Variants in ZDHHC17 observed in about 807,000 individuals in gnomAD.
ZDHHC17 encodes zDHHC palmitoyltransferase 17, also known as palmitoyltransferase ZDHHC17.
ZDHHC17 carries 40 observed loss-of-function variants against 90.3 expected under a neutral mutation model. That is an observed-to-expected ratio of 0.44 (90% confidence interval 0.34 to 0.58). The LOEUF is 0.58. Ranked by LOEUF, ZDHHC17 falls within the 20% of genes least tolerant of loss-of-function variation. The probability of loss-of-function intolerance (pLI) is 0.01; values close to 1 mark genes in which losing one functional copy is unlikely to be tolerated. For synonymous variants in ZDHHC17, 235 were observed against 252.4 expected, an observed-to-expected ratio of 0.93 and a Z score of 0.65; for missense variants, 614 against 780.8, an observed-to-expected ratio of 0.79 and a Z score of 2.55.
intron 1 of ZDHHC17, among the ~76,000 whole-genome samples, chr12:76,775,547 A>G (rs1482830099): frequency 6.6e-6 from 1 of 152,226 alleles, no homozygotes; most frequent in African/African-American, 2.4e-5. Context: ...AGATTTTTCA[A>G]TTAGTGTAAA....
intron 8 of ZDHHC17, among the ~76,000 whole-genome samples, chr12:76,825,911 C>T (rs1953224671): frequency 6.6e-6 from 1 of 152,058 alleles, no homozygotes; most frequent in African/African-American, 2.4e-5. Context: ...CTTCCCTGGG[C>T]TCAGGTAATC....
chr12:76,767,892 C>T (rs1489013894), intron 1 of ZDHHC17, among the ~76,000 whole-genome samples: 1 of 150,626 alleles, frequency 6.6e-6, no homozygotes, highest in African/African-American at 2.4e-5. Context: ...GCCTGGGCAA[C>T]AAGAGCAAAA....
At chr12:76,798,875 A>G (rs1952854015) in intron 2 of ZDHHC17, among the ~76,000 whole-genome samples, 1 of 152,148 alleles carries the variant, frequency 6.6e-6, no homozygotes, top group African/African-American at 2.4e-5. Flanking sequence ...GATGGTGCCA[A>G]AGCATTCATT....
Position 76,851,149 on chromosome 12 carries a change from T to A in ZDHHC17, c.*164T>A. 1 of 766,828 alleles carries A rather than the reference T, an allele frequency of 1.3e-6. No homozygotes were observed. The highest frequency in any genetic ancestry group is 2.0e-6 in the Non-Finnish European group (1 of 499,766). The allele number at this position is 766,828 out of a possible 1,614,324, so 47.5% of individuals were successfully genotyped here. A position where few individuals can be genotyped will look rare whatever the true frequency, so the allele number is the denominator to read the frequency against. ...TTTTCAACACTTTTATTAACAAAAG[T>A]AAACATGGACAGAACACACTGCCAT... is the stretch of plus-strand genomic sequence containing the variant. On this transcript the variant is annotated 3_prime_UTR_variant, in exon 17 of 17. Coordinates refer to ENST00000426126, the MANE Select transcript of ZDHHC17 (RefSeq NM_015336.4).
intron 5 of ZDHHC17, among the ~76,000 whole-genome samples, chr12:76,810,236 A>G (rs1309508797): frequency 6.6e-6 from 1 of 152,174 alleles, no homozygotes; most frequent in African/African-American, 2.4e-5. Context: ...TGAGAGGGAT[A>G]CATTTTTTAA....
intron 1 of ZDHHC17, among the ~76,000 whole-genome samples, chr12:76,768,895 C>T (rs190002107): frequency 6.6e-6 from 1 of 152,216 alleles, no homozygotes; most frequent in East Asian, 1.9e-4. Flanking sequence ...AAAACTTCTG[C>T]TATTGCCTTT....
At chr12:76,798,206 T>C (rs1468673888) in intron 2 of ZDHHC17, among the ~76,000 whole-genome samples, 1 of 152,222 alleles carries the variant, frequency 6.6e-6, no homozygotes, top group East Asian at 1.9e-4. Flanking sequence ...ACGTAGTTAA[T>C]GTCATATTTA....
At chr12:76,790,308 C>T (rs552691937) in intron 1 of ZDHHC17, among the ~76,000 whole-genome samples, 158 of 152,128 alleles carry the variant, frequency 1.0e-3, no homozygotes, top group African/African-American at 3.7e-3. Context: ...TTGAGACCAG[C>T]CTGGCCAACA....
intron 1 of ZDHHC17, among the ~76,000 whole-genome samples, chr12:76,765,219 G>T (rs1408604581): frequency 1.3e-5 from 2 of 152,238 alleles, no homozygotes; most frequent in Non-Finnish European, 2.9e-5. Context: ...TGACAGTCGT[G>T]TTGTAGGATG....
At chr12:76,836,847 T>C (rs1310422488) in intron 10 of ZDHHC17, among the ~76,000 whole-genome samples, 1 of 152,218 alleles carries the variant, frequency 6.6e-6, no homozygotes, top group Non-Finnish European at 1.5e-5. Flanking sequence ...TTATTAAGTA[T>C]GTGTAAGTTT....
chr12:76,845,577 G>T, intron 12 of ZDHHC17, 132 bp from the exon 13 acceptor site: 1 of 378,590 alleles, frequency 2.6e-6, no homozygotes. Context: ...TCATTCATTT[G>T]GAAACCTTGA....
intron 7 of ZDHHC17, among the ~76,000 whole-genome samples, chr12:76,816,742 A>G (rs572554516): frequency 5.9e-5 from 9 of 152,162 alleles, no homozygotes; most frequent in African/African-American, 2.2e-4. Context: ...TCCTTGATTC[A>G]GTTACTTTAA....
intron 6 of ZDHHC17, among the ~76,000 whole-genome samples, chr12:76,815,572 A>G (rs994698647): frequency 6.6e-6 from 1 of 151,942 alleles, no homozygotes. Context: ...TTATTCTTGA[A>G]TTGTATAAGT....
intron 5 of ZDHHC17, among the ~76,000 whole-genome samples, chr12:76,810,366 C>A (rs1012638544): frequency 6.6e-6 from 1 of 151,998 alleles, no homozygotes; most frequent in Non-Finnish European, 1.5e-5. Context: ...TTAAATATTA[C>A]CAGTTTATAT....
intron 1 of ZDHHC17, among the ~76,000 whole-genome samples, chr12:76,768,655 A>G (rs1952458557): frequency 6.6e-6 from 1 of 152,192 alleles, no homozygotes; most frequent in Admixed American, 6.5e-5. Flanking sequence ...GACAGAGACC[A>G]TATGTTGGTC....
chr12:76,777,263 T>C lies in ZDHHC17; in HGVS notation c.93+12934T>C, dbSNP rs531048469. 1.1e-4 allele frequency among the ~76,000 whole-genome samples: 17 copies of C among 152,342 alleles called. No individual in the cohort carries two copies. The East Asian group carries it at 3.1e-3, about 28-fold the overall frequency. On this transcript the variant is annotated intron_variant, in intron 1 of 16. Coordinates refer to ENST00000426126, the MANE Select transcript of ZDHHC17 (RefSeq NM_015336.4). The stretch of plus-strand genomic sequence containing the variant: ...TTCTATTATTTTGTAATTTTAAGAA[T>C]GTTACATAAGTGGGATCATGTAGTA...
intron 1 of ZDHHC17, chr12:76,764,723 T>G: frequency 2.1e-6 from 1 of 471,434 alleles, no homozygotes. Context: ...TGATTTCTTT[T>G]TCCTTCGCCA....
intron 1 of ZDHHC17, among the ~76,000 whole-genome samples, chr12:76,784,231 T>C (rs146663229): frequency 3.9e-5 from 6 of 152,338 alleles, no homozygotes; most frequent in Non-Finnish European, 8.8e-5. Context: ...AAATAAACTT[T>C]TAACTAGTTG....
At position 76,786,522 on chromosome 12, in the gene ZDHHC17, C is replaced by G. The variant is rs575547254; in HGVS notation, c.94-10912C>G. ...CCACCCGCCTCGGCCTCCCAAAGTGCTGGGATTACAGGCATGAGTCACTGT... is the reference window on the plus strand; with the variant it reads ...CCACCCGCCTCGGCCTCCCAAAGTGGTGGGATTACAGGCATGAGTCACTGT... On this transcript the variant is annotated intron_variant, in intron 1 of 16. Transcript: ENST00000426126. Among the ~76,000 whole-genome samples, 393 of 152,252 alleles carry G rather than the reference C, an allele frequency of 2.6e-3. 3 individuals carry two copies. Among genetic ancestry groups the G allele is most frequent in the African/African-American group, 9.3e-3 (386 of 41,552 alleles).
Sources: allele counts gnomAD v4.1 joint callset (sites outside exome capture counted in the v4.1 genomes callset), GRCh38; gene constraint gnomAD v4.1.1; transcripts MANE v1.5; gene names NCBI Gene and HGNC (gene_info 2026-07-23, HGNC 2026-07-21).